TOM1L2: variants seen among roughly 807,000 people sequenced by gnomAD.
TOM1L2 encodes the protein target of myb1 like 2 membrane trafficking protein.
A neutral mutation model predicts 67.9 loss-of-function variants in TOM1L2; 31 were observed. That is an observed-to-expected ratio of 0.46 (90% CI 0.34 to 0.62). TOM1L2 has a LOEUF of 0.62. TOM1L2 is among the 20% of genes least tolerant of loss of function. TOM1L2 has a pLI of 0.01. For missense variants in TOM1L2, 606 were observed against 663.5 expected (o/e 0.91, Z 0.95); for synonymous variants, 256 against 254.0 (o/e 1.01, Z -0.07).
rs1278947173 is a variant in TOM1L2 at position 17,843,609 on chromosome 17, C to T, written c.*4026G>A. 1 of 152,298 alleles carries T rather than the reference C, an allele frequency of 6.6e-6. No homozygotes were observed. The highest frequency in any genetic ancestry group is 1.5e-5 in the Non-Finnish European group (1 of 68,040). The allele number at this position is 152,298 out of a possible 1,614,324, so 9.4% of individuals were successfully genotyped here. ...AGGGCCAGTGGGGTGGATGGATGCT[C>T]TGAGCCTCGGGTGCACTGACCCACC... On this transcript the variant is annotated 3_prime_UTR_variant, in exon 15 of 15. Coordinates refer to ENST00000379504, the MANE Select transcript of TOM1L2 (RefSeq NM_001082968.2).
intron 1 of TOM1L2, among the ~76,000 whole-genome samples, chr17:17,950,555 T>C (rs1463556671): frequency 1.3e-5 from 2 of 152,136 alleles, no homozygotes; most frequent in Admixed American, 6.5e-5. Flanking sequence ...ACCTGGTCGC[T>C]GTTCCAATAC....
intron 1 of TOM1L2, among the ~76,000 whole-genome samples, chr17:17,922,467 T>C (rs1031225218): frequency 6.6e-6 from 1 of 152,026 alleles, no homozygotes; most frequent in Non-Finnish European, 1.5e-5. Flanking sequence ...GGGGCTGTAG[T>C]GGAGTGGAGA....
chr17:17,857,809 T>C lies in TOM1L2; in HGVS notation c.1278+3667A>G, dbSNP rs1216684439. ...AAGCCAGCTGTCTATGGGCTCCAGG[T>C]CAGACTCCCCACCTCTACCTCTCTT... On this transcript the variant is annotated intron_variant, in intron 12 of 14. Coordinates refer to ENST00000379504, the MANE Select transcript of TOM1L2 (RefSeq NM_001082968.2). 2.6e-6 allele frequency: 4 copies of C among 1,535,614 alleles called. No homozygotes were observed. The East Asian group carries it at 9.8e-5, about 38-fold the overall frequency.
At chr17:17,960,622 G>A (rs1414621336) in intron 1 of TOM1L2, among the ~76,000 whole-genome samples, 1 of 152,180 alleles carries the variant, frequency 6.6e-6, no homozygotes, top group East Asian at 1.9e-4. Context: ...ACAGGCATGA[G>A]CCAGTGAGCC....
At chr17:17,864,213 T>A (rs1482431076) in intron 10 of TOM1L2, among the ~76,000 whole-genome samples, 1 of 45,138 alleles carries the variant, frequency 2.2e-5, no homozygotes, top group African/African-American at 4.5e-5. Flanking sequence ...TCCAATTTGA[T>A]TTTTTTTTTT....
intron 5 of TOM1L2, 57 bp from the exon 6 acceptor site, chr17:17,882,920 T>C (rs1443626191): frequency 1.8e-5 from 29 of 1,596,616 alleles, no homozygotes; most frequent in Non-Finnish European, 2.5e-5. Context: ...TAGCTGGACC[T>C]GGTACCTACC....
chr17:17,920,629 C>T (rs950936334), intron 1 of TOM1L2, among the ~76,000 whole-genome samples: 2 of 148,270 alleles, frequency 1.3e-5, no homozygotes, highest in East Asian at 2.0e-4. Context: ...TGAGCCACTG[C>T]GCCCGGCTTT....
At chr17:17,881,879 C>T (rs548998218) in intron 6 of TOM1L2, among the ~76,000 whole-genome samples, 1 of 152,218 alleles carries the variant, frequency 6.6e-6, no homozygotes, top group African/African-American at 2.4e-5. Flanking sequence ...CATTGCTTGA[C>T]CCCTCTGCTT....
chr17:17,934,601 T>C (rs2040449473), intron 1 of TOM1L2, among the ~76,000 whole-genome samples: 1 of 152,208 alleles, frequency 6.6e-6, no homozygotes, highest in Non-Finnish European at 1.5e-5. Flanking sequence ...GGGGGATAAT[T>C]TCTAAAATTT....
Position 17,845,254 on chromosome 17 carries a change from T to A in TOM1L2, c.*2381A>T, listed in dbSNP as rs1010513583. 2.6e-5 allele frequency: 4 copies of A among 152,246 alleles called. No individual in the cohort carries two copies. Among genetic ancestry groups the A allele is most frequent in the Admixed American group, 1.3e-4 (2 of 15,294 alleles). The allele number at this position is 152,246 out of a possible 1,614,324, so 9.4% of individuals were successfully genotyped here. A position where few individuals can be genotyped will look rare whatever the true frequency, so the allele number is the denominator to read the frequency against. ...GGAAGGCAGGTGACACTTGTCAGCA[T>A]GGCCAATGGCCTCCTGCCAGCCCAT... On this transcript the variant is annotated 3_prime_UTR_variant, in exon 15 of 15. Coordinates refer to ENST00000379504, the MANE Select transcript of TOM1L2 (RefSeq NM_001082968.2).
chr17:17,930,547 A>G (rs182122807), intron 1 of TOM1L2, among the ~76,000 whole-genome samples: 1 of 152,254 alleles, frequency 6.6e-6, no homozygotes, highest in Admixed American at 6.5e-5. Flanking sequence ...GCCTCTTGCA[A>G]TCAGCTCATC....
chr17:17,898,919 C>A (rs2038712249), intron 2 of TOM1L2, among the ~76,000 whole-genome samples: 3 of 152,244 alleles, frequency 2.0e-5, no homozygotes, highest in Non-Finnish European at 2.9e-5. Context: ...ATACACCAAA[C>A]TCAAAGACAT....
At chr17:17,872,952 T>C (rs1420368382) in intron 7 of TOM1L2, among the ~76,000 whole-genome samples, 9 of 152,180 alleles carry the variant, frequency 5.9e-5, no homozygotes, top group Admixed American at 2.6e-4. Context: ...TGGCAGTAGG[T>C]TGTGGGAAAC....
intron 1 of TOM1L2, among the ~76,000 whole-genome samples, chr17:17,966,491 T>G (rs1228961789): frequency 6.6e-6 from 1 of 152,212 alleles, no homozygotes; most frequent in Non-Finnish European, 1.5e-5. Flanking sequence ...ACTAGAGAAC[T>G]TGACAGAAAT....
At chr17:17,857,902 G>T in intron 12 of TOM1L2, 1 of 1,483,208 alleles carries the variant, frequency 6.7e-7, no homozygotes, top group Non-Finnish European at 9.1e-7. Context: ...GAAGTCAATA[G>T]CACATATTGT....
chr17:17,868,261 T>C (rs1036596988), intron 8 of TOM1L2, among the ~76,000 whole-genome samples: 1 of 152,196 alleles, frequency 6.6e-6, no homozygotes, highest in Non-Finnish European at 1.5e-5. Context: ...TGCAGAGGTT[T>C]ATTCACCTGT....
At chr17:17,895,909 TGCCAGGCAGCTCCGCAGCCA>T (rs2038545453) in intron 3 of TOM1L2, among the ~76,000 whole-genome samples, 1 of 152,206 alleles carries the variant, frequency 6.6e-6, no homozygotes, top group Non-Finnish European at 1.5e-5. Context: ...GGACTCCCCA[TGCCAGGCAGCTCCGCAGCCA>T]GCCAGAATCG....
chr17:17,941,481 T>A (rs756399202), intron 1 of TOM1L2, among the ~76,000 whole-genome samples: 102 of 152,268 alleles, frequency 6.7e-4, no homozygotes, highest in Non-Finnish European at 1.4e-3. Context: ...GACAAAAAGC[T>A]GAGAATCATC....
Position 17,893,723 on chromosome 17 carries a change from T to C in TOM1L2, c.304A>G (p.Ile102Val), listed in dbSNP as rs758219410. ...RDFIDSVLVK[I>V]ISPKNNPPTI... ...GGAGGGTTGTTCTTGGGAGATATAA[T>C]TTTGACCAGAACACTGTCGATGAAA... The change falls in exon 4 of 15, where the codon ATT becomes GTT. Residue 102 changes from isoleucine to valine, a missense_variant. Around this residue, in one of 2 missense-constraint regions of TOM1L2, gnomAD observed 543 missense variants for 554.0 expected, o/e 0.98. Coordinates refer to ENST00000379504, the MANE Select transcript of TOM1L2 (RefSeq NM_001082968.2). 8.7e-6 allele frequency: 14 copies of C among 1,614,016 alleles called. No individual in the cohort carries two copies. Among genetic ancestry groups the C allele is most frequent in the Non-Finnish European group, 1.0e-5 (12 of 1,180,012 alleles).
Sources: gnomAD v4.1 joint callset for allele counts (sites outside exome capture counted in the v4.1 genomes callset) on GRCh38, gnomAD v4.1.1 for gene constraint, gnomAD v4.1.1 regional missense constraint, MANE v1.5 for transcripts, NCBI Gene and HGNC (gene_info 2026-07-23, HGNC 2026-07-21) for gene names.